The following SUSD6 variants were observed in gnomAD, a reference collection of about 807,000 sequenced individuals.
SUSD6 encodes sushi domain containing 6, also known as sushi domain-containing protein 6.
SUSD6 carries 16 observed loss-of-function variants against 28.4 expected under a neutral mutation model. The ratio of observed to expected loss-of-function variants is 0.56; its 90% CI spans 0.38 to 0.86. The LOEUF is 0.86. SUSD6 is among the 40% of genes least tolerant of loss of function. SUSD6 has a pLI of 0.00. For synonymous variants in SUSD6, 147 were observed against 159.6 expected, an observed-to-expected ratio of 0.92 and a Z score of 0.59; for missense variants, 341 against 384.2, an observed-to-expected ratio of 0.89 and a Z score of 0.94.
At chr14:69,661,730 A>G (rs1885664500) in intron 2 of SUSD6, among the ~76,000 whole-genome samples, 1 of 152,146 alleles carries the variant, frequency 6.6e-6, no homozygotes, top group Admixed American at 6.5e-5. Flanking sequence ...CCAGGATCTC[A>G]GATACTCTGA....
intron 1 of SUSD6, among the ~76,000 whole-genome samples, chr14:69,656,247 T>C (rs1395394321): frequency 2.0e-5 from 3 of 150,904 alleles, no homozygotes; most frequent in Non-Finnish European, 3.0e-5. Context: ...TAGGCAGTCT[T>C]TCCTGACTAC....
At chr14:69,621,459 G>A (rs1480821586) in intron 1 of SUSD6, among the ~76,000 whole-genome samples, 1 of 152,204 alleles carries the variant, frequency 6.6e-6, no homozygotes, top group Non-Finnish European at 1.5e-5. Context: ...GAAGGAGAGA[G>A]AGGGTATTAG....
chr14:69,621,271 A>G (rs1052949853), intron 1 of SUSD6, among the ~76,000 whole-genome samples: 5 of 152,190 alleles, frequency 3.3e-5, no homozygotes, highest in Non-Finnish European at 7.3e-5. Context: ...CTTGATGACA[A>G]GGAATGAAAG....
At chr14:69,663,474 A>G (rs1014812935) in intron 2 of SUSD6, among the ~76,000 whole-genome samples, 1 of 152,212 alleles carries the variant, frequency 6.6e-6, no homozygotes, top group African/African-American at 2.4e-5. Context: ...TAGCAGAGAG[A>G]TGTTGGCAGG....
intron 1 of SUSD6, among the ~76,000 whole-genome samples, chr14:69,632,268 G>A (rs1047602343): frequency 6.6e-6 from 1 of 152,142 alleles, no homozygotes; most frequent in African/African-American, 2.4e-5. Flanking sequence ...ACGGCAGAGT[G>A]GCCAGGTGGA....
chr14:69,659,708 G>A (rs1014114205), intron 2 of SUSD6, among the ~76,000 whole-genome samples: 1 of 152,042 alleles, frequency 6.6e-6, no homozygotes, highest in African/African-American at 2.4e-5. Context: ...TAGTTGAGAC[G>A]GGGTTTCACC....
intron 1 of SUSD6, among the ~76,000 whole-genome samples, chr14:69,631,564 AATAAG>A (rs1885194940): frequency 6.6e-6 from 1 of 152,178 alleles, no homozygotes; most frequent in East Asian, 1.9e-4. Flanking sequence ...GCAAGGATTA[AATAAG>A]ATATTAGATG....
intron 2 of SUSD6, among the ~76,000 whole-genome samples, chr14:69,678,531 G>A (rs1885951175): frequency 6.6e-6 from 1 of 152,226 alleles, no homozygotes; most frequent in Admixed American, 6.5e-5. Context: ...GGCTGGGCAT[G>A]ATGGCTCACA....
intron 2 of SUSD6, among the ~76,000 whole-genome samples, chr14:69,678,343 T>C (rs937739015): frequency 1.3e-5 from 2 of 148,626 alleles, no homozygotes; most frequent in Admixed American, 1.3e-4. Flanking sequence ...TATATAATTA[T>C]ATAAATATAT....
intron 1 of SUSD6, among the ~76,000 whole-genome samples, chr14:69,636,155 ACT>A (rs1885262561): frequency 6.6e-6 from 1 of 152,208 alleles, no homozygotes; most frequent in Admixed American, 6.5e-5. Flanking sequence ...AGAGGGTTAC[ACT>A]CAAAGCTAAT....
intron 1 of SUSD6, among the ~76,000 whole-genome samples, chr14:69,612,573 G>A (rs1695406302): frequency 6.6e-6 from 1 of 152,168 alleles, no homozygotes; most frequent in African/African-American, 2.4e-5. Context: ...GACGAATTTA[G>A]GAGCAGGAGG....
chr14:69,689,778 G>A (rs1260302298), intron 2 of SUSD6, among the ~76,000 whole-genome samples: 1 of 152,214 alleles, frequency 6.6e-6, no homozygotes, highest in Non-Finnish European at 1.5e-5. Context: ...CAATTCTCAT[G>A]ACAAGCCCTC....
intron 2 of SUSD6, among the ~76,000 whole-genome samples, chr14:69,675,401 C>T (rs1380261638): frequency 1.3e-5 from 2 of 152,212 alleles, no homozygotes; most frequent in Admixed American, 6.5e-5. Flanking sequence ...CCCAGCACCT[C>T]CTCCTGGCCC....
In SUSD6 at chr14:69,703,604, A is replaced by G. The variant is rs1594723943; in HGVS notation, c.319+12A>G. The G allele has an allele frequency of 6.2e-7, 1 of 1,612,612 alleles. No individual in the cohort carries two copies. The highest frequency in any genetic ancestry group is 2.2e-5 in the East Asian group (1 of 44,888). On this transcript the variant is annotated intron_variant, in intron 3 of 5. Transcript: ENST00000342745. ...CCGTCTCAACGAGGGTCAGTCTGGC[A>G]GATGAAAAAGGGATGCTGCTGGGGT...
Position 69,658,506 on chromosome 14 carries a change from G to GTTTT in SUSD6, c.-80-5_-80-4insTTTT. ...TTTCACTTTATGTCCTTGTTTGTTT[G>GTTTT]TTACAGGTGAATCAGCTCCCGGCCG... On this transcript the variant is annotated splice_polypyrimidine_tract_variant and splice_region_variant and intron_variant, in intron 1 of 5. Transcript: ENST00000342745. The GTTTT allele has an allele frequency of 7.1e-7, 1 of 1,408,524 alleles. No individual in the cohort carries two copies. Among genetic ancestry groups the GTTTT allele is most frequent in the Non-Finnish European group, 9.8e-7 (1 of 1,016,532 alleles). 87.3% of individuals were successfully genotyped at this position (1,408,524 alleles called of 1,614,324 possible). A position where few individuals can be genotyped will look rare whatever the true frequency, so the allele number is the denominator to read the frequency against.
intron 1 of SUSD6, among the ~76,000 whole-genome samples, chr14:69,628,217 G>A (rs988176656): frequency 6.6e-6 from 1 of 152,248 alleles, no homozygotes; most frequent in Non-Finnish European, 1.5e-5. Flanking sequence ...ACAGACATGA[G>A]CCACTGCTCT....
At chr14:69,645,937 A>G (rs181293751) in intron 1 of SUSD6, among the ~76,000 whole-genome samples, 261 of 152,216 alleles carry the variant, frequency 1.7e-3, no homozygotes, top group African/African-American at 5.9e-3. Flanking sequence ...TTTAGTAGAG[A>G]TGGGGTTTCA....
chr14:69,701,474 G>A (rs1356268446), intron 2 of SUSD6, among the ~76,000 whole-genome samples: 1 of 152,174 alleles, frequency 6.6e-6, no homozygotes, highest in Non-Finnish European at 1.5e-5. Context: ...GAGAGCCAGG[G>A]AGTAAGTCAG....
chr14:69,666,614 G>A (rs1390929189), intron 2 of SUSD6, among the ~76,000 whole-genome samples: 1 of 152,084 alleles, frequency 6.6e-6, no homozygotes, highest in East Asian at 1.9e-4. Flanking sequence ...AGCTATATTG[G>A]TATTTCTTCT....
Sources: gnomAD v4.1 joint callset for allele counts (sites outside exome capture counted in the v4.1 genomes callset) on GRCh38, gnomAD v4.1.1 for gene constraint, MANE v1.5 for transcripts, NCBI Gene and HGNC (gene_info 2026-07-23, HGNC 2026-07-21) for gene names.